The following FOCAD variants were observed in gnomAD, a reference collection of about 807,000 sequenced individuals.
FOCAD encodes focadhesin.
Under a neutral mutation model 225.6 loss-of-function variants are expected in FOCAD, and 198 were observed. The ratio of observed to expected loss-of-function variants is 0.88; its 90% confidence interval spans 0.78 to 0.99. The LOEUF (loss-of-function observed/expected upper bound fraction) is 0.99. Ranked by LOEUF, FOCAD falls within the 50% of genes least tolerant of loss-of-function variation. The pLI, the probability that FOCAD is intolerant of heterozygous loss-of-function variation, is 0.00. For synonymous variants in FOCAD, 897 were observed against 755.0 expected (o/e 1.19, Z -3.08); for missense variants, 2,713 against 2,123.6 (o/e 1.28, Z -5.46).
intron 26 of FOCAD, among the ~76,000 whole-genome samples, chr9:20,928,624 C>T (rs1458578170): frequency 1.3e-5 from 2 of 152,140 alleles, no homozygotes; most frequent in Non-Finnish European, 2.9e-5. Flanking sequence ...TTCAGCTGCT[C>T]TGTCATTTTA....
chr9:20,836,132 G>A (rs1825976112), intron 15 of FOCAD, among the ~76,000 whole-genome samples: 1 of 152,068 alleles, frequency 6.6e-6, no homozygotes, highest in Non-Finnish European at 1.5e-5. Context: ...CTATGGGGTG[G>A]GAATGATTTT....
At chr9:20,874,652 C>G (rs374443856) in intron 18 of FOCAD, 29 bp from the exon 19 acceptor site, 53 of 1,608,514 alleles carry the variant, frequency 3.3e-5, no homozygotes, top group Middle Eastern at 3.3e-4. Context: ...TTATTATCCT[C>G]TCTATGATCT....
At position 20,984,106 on chromosome 9, in the gene FOCAD, G is replaced by A. The variant is rs923669396; in HGVS notation, c.4728+1660G>A. Among the ~76,000 whole-genome samples, 8 of 152,164 alleles carry A rather than the reference G, an allele frequency of 5.3e-5. No homozygotes were observed. In the South Asian group the frequency reaches 8.3e-4, roughly 16 times the overall value. ...GTTAGTCTGCTTCAGCAAGGTCAGA[G>A]TTTTCTATTTGTTTCTGAAAAGAAT... On this transcript the variant is annotated intron_variant, in intron 39 of 43. Coordinates refer to ENST00000338382, the MANE Select transcript of FOCAD (RefSeq NM_001375567.1).
chr9:20,913,158 AC>A, intron 23 of FOCAD, among the ~76,000 whole-genome samples: 1 of 148,940 alleles, frequency 6.7e-6, no homozygotes, highest in African/African-American at 2.6e-5. Context: ...ACACACACAC[AC>A]ACACACACAC....
chr9:20,884,294 A>G (rs1830921122), intron 20 of FOCAD, among the ~76,000 whole-genome samples: 1 of 152,076 alleles, frequency 6.6e-6, no homozygotes, highest in Non-Finnish European at 1.5e-5. Context: ...GTAATATACT[A>G]TATTATATTA....
At chr9:20,842,590 T>G (rs1826652943) in intron 15 of FOCAD, among the ~76,000 whole-genome samples, 1 of 152,022 alleles carries the variant, frequency 6.6e-6, no homozygotes, top group Non-Finnish European at 1.5e-5. Flanking sequence ...TCCATCCCCT[T>G]TATTTCAGTC....
chr9:20,927,021 CATAT>C (rs72317127), intron 26 of FOCAD, among the ~76,000 whole-genome samples: 18 of 148,804 alleles, frequency 1.2e-4, no homozygotes, highest in Admixed American at 2.7e-4. Context: ...TATGTATAGA[CATAT>C]ATATATATAT....
chr9:20,882,143 C>T (rs1830723400), intron 20 of FOCAD, 87 bp downstream of exon 20: 1 of 1,154,710 alleles, frequency 8.7e-7, no homozygotes, highest in Non-Finnish European at 1.2e-6. Context: ...TGGGCCATGG[C>T]AGGGTGTTGC....
At chr9:20,905,685 T>G (rs1286203025) in intron 21 of FOCAD, among the ~76,000 whole-genome samples, 3 of 151,882 alleles carry the variant, frequency 2.0e-5, no homozygotes, top group Non-Finnish European at 4.4e-5. Flanking sequence ...ATTTTGGAAA[T>G]AAAGAGCAGA....
chr9:20,952,953 C>G (rs771328003), intron 34 of FOCAD, 32 bp from the exon 35 acceptor site: 2 of 1,564,978 alleles, frequency 1.3e-6, no homozygotes, highest in South Asian at 2.2e-5. Context: ...GCCAAGTTCA[C>G]TGGTTAATTT....
chr9:20,720,632 A>G, intron 4 of FOCAD, 98 bp downstream of exon 4: 3 of 1,249,356 alleles, frequency 2.4e-6, no homozygotes, highest in Non-Finnish European at 3.3e-6. Context: ...CCTACTTGCC[A>G]GTTGTTTTTC....
chr9:20,946,896 A>T (rs991061884), intron 30 of FOCAD, 76 bp downstream of exon 30: 1 of 1,563,868 alleles, frequency 6.4e-7, no homozygotes, highest in Non-Finnish European at 8.7e-7. Context: ...ACTTACTCTG[A>T]ATTAGAGTAT....
In FOCAD at chr9:20,970,136, CTT is replaced by C. The variant is rs201207160; in HGVS notation, c.4133-6282_4133-6281del. Among the ~76,000 whole-genome samples the C allele has an allele frequency of 3.9e-3, 596 of 152,042 alleles. 7 individuals are homozygous for C. The highest frequency in any genetic ancestry group is 0.019 in the East Asian group (100 of 5,180). On this transcript the variant is annotated intron_variant, in intron 35 of 43. Coordinates refer to ENST00000338382, the MANE Select transcript of FOCAD (RefSeq NM_001375567.1). ...CTTTGCTGCTTTCAAGATTTTCAGT[CTT>C]TGTCTTTTAAAAATTTGGCTACAGT...
intron 11 of FOCAD, among the ~76,000 whole-genome samples, chr9:20,800,617 C>G (rs1391189064): frequency 6.6e-6 from 1 of 152,112 alleles, no homozygotes; most frequent in Non-Finnish European, 1.5e-5. Context: ...ATCACTGATA[C>G]CCTTTCTTCC....
At chr9:20,929,629 CTTT>C in intron 27 of FOCAD, 33 bp downstream of exon 27, 1 of 1,590,900 alleles carries the variant, frequency 6.3e-7, no homozygotes, top group Non-Finnish European at 8.6e-7. Flanking sequence ...TGCTTTTCTT[CTTT>C]GTGATTTTTT....
intron 13 of FOCAD, 139 bp from the exon 14 acceptor site, chr9:20,820,802 T>G: frequency 1.1e-6 from 1 of 918,718 alleles, no homozygotes; most frequent in Non-Finnish European, 1.7e-6. Context: ...ATAGCAATCT[T>G]CTCTGCTGAT....
chr9:20,756,716 T>G (rs1400649716), intron 5 of FOCAD, among the ~76,000 whole-genome samples: 1 of 152,208 alleles, frequency 6.6e-6, no homozygotes, highest in Non-Finnish European at 1.5e-5. Flanking sequence ...AAGTTCCCAG[T>G]TGATCTTACT....
At chr9:20,808,341 T>C (rs945866840) in intron 11 of FOCAD, among the ~76,000 whole-genome samples, 1 of 152,162 alleles carries the variant, frequency 6.6e-6, no homozygotes, top group Admixed American at 6.5e-5. Flanking sequence ...TTTATAGTCC[T>C]GGGTAAATAC....
chr9:20,878,090 G>A (rs1034223922), intron 19 of FOCAD, among the ~76,000 whole-genome samples: 3 of 151,802 alleles, frequency 2.0e-5, no homozygotes, highest in Admixed American at 2.0e-4. Flanking sequence ...CAAAGTCAGT[G>A]TTGTGATAAT....
Sources: gnomAD v4.1 joint callset for allele counts (sites outside exome capture counted in the v4.1 genomes callset) on GRCh38, gnomAD v4.1.1 for gene constraint, MANE v1.5 for transcripts, NCBI Gene and HGNC (gene_info 2026-07-23, HGNC 2026-07-21) for gene names.